The following PCNX2 variants were observed in gnomAD, a reference collection of about 807,000 sequenced individuals.
The protein encoded by PCNX2 is pecanex-like protein 2.
PCNX2 carries 168 observed loss-of-function variants against 223.8 expected under a neutral mutation model. The ratio of observed to expected loss-of-function variants is 0.75; its 90% CI spans 0.66 to 0.85. The LOEUF (loss-of-function observed/expected upper bound fraction) is 0.85. Among genes scored for constraint, PCNX2 ranks in the 40% least tolerant of loss-of-function variants. The pLI is 0.00. For missense variants in PCNX2, 2,507 were observed against 2,675.5 expected, an observed-to-expected ratio of 0.94 and a Z score of 1.39; for synonymous variants, 1,006 against 1,052.6, an observed-to-expected ratio of 0.96 and a Z score of 0.86.
chr1:233,195,526 T>C (rs1426540473), intron 15 of PCNX2, among the ~76,000 whole-genome samples: 1 of 152,210 alleles, frequency 6.6e-6, no homozygotes, highest in Non-Finnish European at 1.5e-5. Flanking sequence ...TGTTTATTGA[T>C]AGACATGACA....
intron 1 of PCNX2, chr1:233,291,055 G>C: frequency 2.0e-6 from 2 of 985,346 alleles, no homozygotes; most frequent in Non-Finnish European, 2.4e-6. Context: ...TGGCTCCACG[G>C]TTTCACAGCC....
At chr1:233,184,924 C>T (rs1305324158) in intron 15 of PCNX2, among the ~76,000 whole-genome samples, 1 of 151,926 alleles carries the variant, frequency 6.6e-6, no homozygotes, top group Non-Finnish European at 1.5e-5. Context: ...CACACTTCCA[C>T]ACAACTCTTT....
the PCNX2 span, among the ~76,000 whole-genome samples, chr1:233,322,773 A>C: frequency 4.0e-5 from 6 of 151,888 alleles, no homozygotes; most frequent in East Asian, 1.2e-3. Context: ...ACCCTGCCCC[A>C]GCACTTCCCC....
chr1:233,241,112 A>T, intron 8 of PCNX2: 5 of 915,848 alleles, frequency 5.5e-6, no homozygotes, highest in Non-Finnish European at 6.5e-6. Flanking sequence ...CTAAAGCAGC[A>T]CTGTTCTGAA....
intron 15 of PCNX2, among the ~76,000 whole-genome samples, chr1:233,185,618 A>G (rs1360068824): frequency 1.3e-5 from 2 of 152,200 alleles, no homozygotes; most frequent in African/African-American, 4.8e-5. Context: ...CTTGTTGCCT[A>G]TTTCAGGGCT....
chr1:233,132,254 C>A (rs1395247634), intron 21 of PCNX2, among the ~76,000 whole-genome samples: 1 of 152,132 alleles, frequency 6.6e-6, no homozygotes, highest in African/African-American at 2.4e-5. Context: ...TGAGACACCG[C>A]ACCTAGCCTA....
chr1:232,986,506 T>C lies in PCNX2; in HGVS notation c.5826A>G (p.Ala1942=), dbSNP rs765275778. The C allele has an allele frequency of 1.0e-5, 16 of 1,559,720 alleles. No individual in the cohort carries two copies. In the South Asian group the frequency reaches 1.7e-4, roughly 16 times the overall value. Residue 1942 remains alanine (A), a synonymous_variant, in exon 33 of 34, where the codon GCA becomes GCG. Coordinates refer to ENST00000258229, the MANE Select transcript of PCNX2 (RefSeq NM_014801.4). The part of the protein sequence containing the change: ...RRKGRSQSVQ[A]HSALSQRPPM... ...GCGGCCTTTGGCTTAGCGCTGAGTGTGCCTGCACGGACTGGCTCCTGCCTT... is the reference window on the plus strand; with the variant it reads ...GCGGCCTTTGGCTTAGCGCTGAGTGCGCCTGCACGGACTGGCTCCTGCCTT...
At chr1:233,295,933 T>TCTTCCTTC (rs369358111), upstream of PCNX2, among the ~76,000 whole-genome samples, 18,490 of 142,624 alleles carry the variant, frequency 0.13, 1,392 homozygotes, top group Non-Finnish European at 0.15. The surrounding 1 kb of genome is among the most constrained non-coding windows in gnomAD (Gnocchi z 4.1). Context: ...TCTCTCTCTT[T>TCTTCCTTC]CTTCCTTCCT....
the PCNX2 span, among the ~76,000 whole-genome samples, chr1:233,319,927 A>T: frequency 6.6e-6 from 1 of 152,190 alleles, no homozygotes; most frequent in Non-Finnish European, 1.5e-5. Flanking sequence ...TTTTCCCCAA[A>T]CTAAAACATA....
rs1039554164 is a variant in PCNX2 at position 233,000,686 on chromosome 1, G to C, written c.5098-151C>G. Among the ~76,000 whole-genome samples, 4 of 152,170 alleles carry C rather than the reference G, an allele frequency of 2.6e-5. No homozygotes were observed. Among genetic ancestry groups the C allele is most frequent in the Non-Finnish European group, 5.9e-5 (4 of 68,026 alleles). ...GTTCTTTTTCCAAATCCTGAGCTCG[G>C]CACAGAGGACACCTCTTTATCTCAT... On this transcript the variant is annotated intron_variant, in intron 29 of 33. Transcript: ENST00000258229. The surrounding 1 kb of genome is among the most constrained non-coding windows in gnomAD (Gnocchi z 4.6).
chr1:233,212,124 G>C (rs141375291), intron 12 of PCNX2, among the ~76,000 whole-genome samples: 2 of 152,260 alleles, frequency 1.3e-5, no homozygotes, highest in African/African-American at 4.8e-5. Context: ...CAGTTCACTT[G>C]TACATTCAGA....
In PCNX2 at chr1:233,258,185, G is replaced by A. The variant is rs764217891; in HGVS notation, c.1677C>T (p.Ser559=). ...VNDTEKTMPT[S]KSDLEAKEGQ... ...CTTCCTTAGCCTCTAGGTCAGATTT[G>A]GAAGTTGGCATTGTTTTCTCTGTAT... is the stretch of plus-strand genomic sequence containing the variant. Residue 559 remains serine, a synonymous_variant, in exon 5 of 34, where the codon TCC becomes TCT. Transcript: ENST00000258229. 4 of 1,613,946 alleles carry A rather than the reference G, an allele frequency of 2.5e-6. No homozygotes were observed. Among genetic ancestry groups the A allele is most frequent in the Non-Finnish European group, 3.4e-6 (4 of 1,179,878 alleles).
intron 1 of PCNX2, among the ~76,000 whole-genome samples, chr1:233,281,585 A>T (rs887713159): frequency 1.3e-5 from 2 of 152,216 alleles, no homozygotes; most frequent in African/African-American, 4.8e-5. Flanking sequence ...TTCCCATGAT[A>T]GAAAAAAATT....
At chr1:233,071,632 G>C (rs1043658519) in intron 23 of PCNX2, among the ~76,000 whole-genome samples, 1 of 152,178 alleles carries the variant, frequency 6.6e-6, no homozygotes, top group Admixed American at 6.5e-5. Context: ...CTTTAGGACA[G>C]AGCGATTTAT....
chr1:233,096,824 G>A (rs1295548034), intron 21 of PCNX2, among the ~76,000 whole-genome samples: 3 of 152,178 alleles, frequency 2.0e-5, no homozygotes, highest in Non-Finnish European at 2.9e-5. Context: ...CAAGGGTTGG[G>A]CAATGGGGCC....
At chr1:233,083,959 A>C (rs1337383295) in intron 23 of PCNX2, among the ~76,000 whole-genome samples, 6 of 152,224 alleles carry the variant, frequency 3.9e-5, no homozygotes, top group Admixed American at 3.9e-4. Context: ...CTAGATTAAA[A>C]GCTGAATAAG....
At chr1:233,075,921 A>C (rs1373144530) in intron 23 of PCNX2, among the ~76,000 whole-genome samples, 1 of 152,182 alleles carries the variant, frequency 6.6e-6, no homozygotes, top group East Asian at 1.9e-4. Flanking sequence ...AACTTCAACT[A>C]TTCATTCAGT....
intron 12 of PCNX2, among the ~76,000 whole-genome samples, chr1:233,217,028 A>T (rs1656986605): frequency 6.6e-6 from 1 of 152,204 alleles, no homozygotes; most frequent in South Asian, 2.1e-4. Flanking sequence ...CCATAGAAAA[A>T]GCGAATAGAA....
chr1:233,213,770 C>G (rs545639963), intron 12 of PCNX2, among the ~76,000 whole-genome samples: 1 of 147,836 alleles, frequency 6.8e-6, no homozygotes, highest in Non-Finnish European at 1.5e-5. Context: ...ACTTAGTATA[C>G]GCTAAAGCCT....
Sources: gnomAD v4.1 joint callset for allele counts (sites outside exome capture counted in the v4.1 genomes callset) on GRCh38, gnomAD v4.1.1 for gene constraint, Gnocchi (gnomAD v3.1) non-coding constraint, MANE v1.5 for transcripts, NCBI Gene and HGNC (gene_info 2026-07-23, HGNC 2026-07-21) for gene names.